KRT86: variants seen among roughly 807,000 people sequenced by gnomAD.
KRT86 encodes the protein keratin 86.
KRT86 carries 30 observed loss-of-function variants against 41.2 expected under a neutral mutation model. That is an observed-to-expected ratio of 0.73 (90% CI 0.54 to 0.99). KRT86 has a LOEUF of 0.99. Ranked by LOEUF, KRT86 falls within the 50% of genes least tolerant of loss-of-function variation. KRT86 has a pLI of 0.00. For missense variants in KRT86, 561 were observed against 571.4 expected, an observed-to-expected ratio of 0.98 and a Z score of 0.19; for synonymous variants, 238 against 238.1, an observed-to-expected ratio of 1.00 and a Z score of 0.00.
At chr12:52,291,539 C>T in intron 2 of KRT86, 1 of 1,585,624 alleles carries the variant, frequency 6.3e-7, no homozygotes, top group Non-Finnish European at 8.6e-7. Flanking sequence ...CCAATGTGCT[C>T]CTCAGGGCAC....
chr12:52,288,599 C>T, intron 2 of KRT86: 1 of 1,048,098 alleles, frequency 9.5e-7, no homozygotes, highest in East Asian at 2.4e-5. Context: ...TTCTGCCCTT[C>T]CTGGGATGAG....
chr12:52,295,725 G>T (rs1411997477), intron 2 of KRT86, among the ~76,000 whole-genome samples: 1 of 152,186 alleles, frequency 6.6e-6, no homozygotes, highest in Admixed American at 6.5e-5. Flanking sequence ...ATATTCCAAG[G>T]GCTTGTCACA....
chr12:52,292,645 T>C (rs1938156138), intron 2 of KRT86, among the ~76,000 whole-genome samples: 1 of 151,518 alleles, frequency 6.6e-6, no homozygotes, highest in African/African-American at 2.4e-5. Flanking sequence ...AGACAGTGCA[T>C]ATAAAGAACA....
chr12:52,305,489 G>C, intron 7 of KRT86, 85 bp downstream of exon 7: 1 of 1,609,486 alleles, frequency 6.2e-7, no homozygotes, highest in Non-Finnish European at 8.5e-7. Flanking sequence ...CTTTTCTGGG[G>C]ATGCACTAGG....
chr12:52,301,609 G>A (rs551403691), intron 2 of KRT86, among the ~76,000 whole-genome samples: 6 of 152,304 alleles, frequency 3.9e-5, no homozygotes, highest in Admixed American at 6.5e-5. Context: ...CTGTGTATTG[G>A]GAGGTTGAGG....
rs767661038 is a variant in KRT86, at chr12:52,306,211, T to C, written c.1178T>C (p.Met393Thr). ...CTGATCAGGGAGTACCAGGAGGTGA[T>C]GAACTCCAAGCTGGGCCTGGACATC... ...ACLIREYQEV[M>T]NSKLGLDIEI... The change falls in exon 9 of 11, where the codon ATG becomes ACG. Residue 393 changes from methionine to threonine, a missense_variant. Met to Thr is a moderately conservative substitution (Grantham distance 81, BLOSUM62 -1). This residue lies in a region of KRT86 where 397 missense variants were observed against 375.9 expected (regional missense o/e 1.06). Transcript: ENST00000423955. The C allele has an allele frequency of 4.3e-6, 7 of 1,613,612 alleles. No individual in the cohort carries two copies. The highest frequency in any genetic ancestry group is 5.9e-6 in the Non-Finnish European group (7 of 1,180,022).
At chr12:52,283,182 T>C (rs1937816639) in intron 2 of KRT86, among the ~76,000 whole-genome samples, 1 of 151,650 alleles carries the variant, frequency 6.6e-6, no homozygotes, top group Non-Finnish European at 1.5e-5. Flanking sequence ...GATCACAAGG[T>C]CAGGAGTTTG....
chr12:52,282,652 G>T (rs776612151), intron 2 of KRT86, among the ~76,000 whole-genome samples: 1 of 152,194 alleles, frequency 6.6e-6, no homozygotes. Flanking sequence ...CAAGCCTAGG[G>T]GTTAGAGCAA....
At chr12:52,287,959 C>A (rs376281578) in intron 2 of KRT86, 1 of 1,614,178 alleles carries the variant, frequency 6.2e-7, no homozygotes, top group Non-Finnish European at 8.5e-7. Context: ...ACACGTCTAG[C>A]AGGCAGGTGT....
chr12:52,306,376 A>T, intron 9 of KRT86, 96 bp downstream of exon 9: 1 of 1,582,510 alleles, frequency 6.3e-7, no homozygotes, highest in Non-Finnish European at 8.6e-7. Flanking sequence ...TTGTTTCTTA[A>T]CCTCCCCACC....
intron 2 of KRT86, among the ~76,000 whole-genome samples, chr12:52,284,404 G>A (rs1367843319): frequency 6.6e-6 from 1 of 152,148 alleles, no homozygotes; most frequent in African/African-American, 2.4e-5. Flanking sequence ...TGTCTGGGCT[G>A]ATCTCTAACT....
In KRT86 at chr12:52,305,760, C is replaced by T. The variant is rs1011804803; in HGVS notation, c.998C>T (p.Thr333Met). Residue 333 changes from threonine to methionine, a missense_variant, in exon 8 of 11, where the codon ACG becomes ATG. By Grantham distance (81) the Thr-to-Met change is moderately conservative. Coordinates refer to ENST00000423955, the MANE Select transcript of KRT86 (RefSeq NM_001320198.2). ...CTGAACCGCATGATCCAGAGGCTGACGGCTGAGGTGGAGAATGCCAAGTGC... is the reference window on the plus strand; with the variant it reads ...CTGAACCGCATGATCCAGAGGCTGATGGCTGAGGTGGAGAATGCCAAGTGC... ...NELNRMIQRL[T>M]AEVENAKCQN... 28 of 1,613,920 alleles carry T rather than the reference C, an allele frequency of 1.7e-5. No homozygotes were observed. Among genetic ancestry groups the T allele is most frequent in the African/African-American group, 1.2e-4 (9 of 74,920 alleles).
chr12:52,307,195 C>G (rs1938538618), intron 9 of KRT86: 1 of 152,198 alleles, frequency 6.6e-6, no homozygotes, highest in East Asian at 1.9e-4. Flanking sequence ...AGATTTCCAC[C>G]AAACTCGAGT....
At chr12:52,301,852 G>A (rs1159865337) in intron 2 of KRT86, 61 bp from the exon 3 acceptor site, 4 of 1,613,204 alleles carry the variant, frequency 2.5e-6, no homozygotes, top group African/African-American at 2.7e-5. Flanking sequence ...CTGACGCCCC[G>A]ACCACTGTGC....
intron 2 of KRT86, chr12:52,278,793 A>AG (rs1257854598): frequency 6.6e-6 from 1 of 151,694 alleles, no homozygotes; most frequent in Non-Finnish European, 1.5e-5. Context: ...AGAAGGCAGA[A>AG]GGGCTGTGTT....
intron 8 of KRT86, 63 bp downstream of exon 8, chr12:52,305,851 T>C (rs1592439862): frequency 1.2e-6 from 2 of 1,613,526 alleles, no homozygotes; most frequent in East Asian, 4.5e-5. Flanking sequence ...ACACAGCCTA[T>C]GTGTGCCCTA....
At chr12:52,283,309 C>G (rs1565737350) in intron 2 of KRT86, among the ~76,000 whole-genome samples, 1 of 140,168 alleles carries the variant, frequency 7.1e-6, no homozygotes, top group Non-Finnish European at 1.5e-5. Flanking sequence ...AGGAGAATTG[C>G]TTGAACTAGT....
intron 2 of KRT86, among the ~76,000 whole-genome samples, chr12:52,280,063 T>TG (rs1937737028): frequency 6.6e-6 from 1 of 152,218 alleles, no homozygotes; most frequent in South Asian, 2.1e-4. Flanking sequence ...CCCTTGCAGA[T>TG]GGGGGCTGGA....
chr12:52,285,512 A>G (rs1937896820), intron 2 of KRT86, among the ~76,000 whole-genome samples: 1 of 152,200 alleles, frequency 6.6e-6, no homozygotes, highest in South Asian at 2.1e-4. Flanking sequence ...GCTTTGAGTG[A>G]TTGGTGAATC....
Sources: allele counts gnomAD v4.1 joint callset (sites outside exome capture counted in the v4.1 genomes callset), GRCh38; gene constraint gnomAD v4.1.1; regional missense constraint gnomAD v4.1.1; transcripts MANE v1.5; gene names NCBI Gene and HGNC (gene_info 2026-07-23, HGNC 2026-07-21).